CBFA2T2: variants seen among roughly 807,000 people sequenced by gnomAD.
The protein encoded by CBFA2T2 is CBFA2/RUNX1 partner transcriptional co-repressor 2.
Under a neutral mutation model 62.2 loss-of-function variants are expected in CBFA2T2, and 11 were observed. That is an observed-to-expected ratio of 0.18 (90% CI 0.11 to 0.29). CBFA2T2 has a LOEUF of 0.29. Ranked by LOEUF, CBFA2T2 falls within the 10% of genes least tolerant of loss-of-function variation. The pLI is 1.00. For synonymous variants in CBFA2T2, 295 were observed against 287.5 expected, an observed-to-expected ratio of 1.03 and a Z score of -0.27; for missense variants, 592 against 774.1, an observed-to-expected ratio of 0.76 and a Z score of 2.79.
At chr20:33,494,258 TATATATATA>T (rs2011173189) in intron 1 of CBFA2T2, among the ~76,000 whole-genome samples, 1 of 78,154 alleles carries the variant, frequency 1.3e-5, no homozygotes, top group African/African-American at 5.5e-5. Context: ...TATATATATA[TATATATATA>T]TATATATTTT....
chr20:33,594,143 T>C (rs917549209), intron 1 of CBFA2T2, among the ~76,000 whole-genome samples: 1 of 152,250 alleles, frequency 6.6e-6, no homozygotes, highest in African/African-American at 2.4e-5. Flanking sequence ...AGTGGCTAAA[T>C]TCTAGCAATA....
At chr20:33,569,379 A>G (rs527564782) in intron 1 of CBFA2T2, among the ~76,000 whole-genome samples, 3 of 152,378 alleles carry the variant, frequency 2.0e-5, no homozygotes, top group African/African-American at 7.2e-5. Flanking sequence ...TTTACTCATT[A>G]GAATAAATAC....
chr20:33,562,276 T>C, intron 1 of CBFA2T2: 1 of 501,290 alleles, frequency 2.0e-6, no homozygotes, highest in Non-Finnish European at 2.6e-6. Flanking sequence ...CAGGAGCCAC[T>C]GGGAGGTGTG....
rs376209916 is a variant in CBFA2T2 at position 33,611,218 on chromosome 20, T to C, written c.303T>C (p.Thr101=). 3 of 1,614,116 alleles carry C rather than the reference T, an allele frequency of 1.9e-6. No individual in the cohort carries two copies. Among genetic ancestry groups the C allele is most frequent in the Non-Finnish European group, 2.5e-6 (3 of 1,180,012 alleles). Residue 101 remains threonine, a synonymous_variant, in exon 3 of 11, where the codon ACT becomes ACC. Transcript: ENST00000342704. ...TCACAAATCAGCAATTGCCAGCCACTTGTGGTGCTCGACAACTCAGCAAGT... is the reference window on the plus strand; with the variant it reads ...TCACAAATCAGCAATTGCCAGCCACCTGTGGTGCTCGACAACTCAGCAAGT... ...SALTNQQLPA[T]CGARQLSKLK...
intron 3 of CBFA2T2, among the ~76,000 whole-genome samples, chr20:33,617,494 C>A (rs1438927363): frequency 6.6e-6 from 1 of 152,226 alleles, no homozygotes; most frequent in Non-Finnish European, 1.5e-5. Context: ...GAGTCCATTT[C>A]TCTGGCCTAA....
At chr20:33,516,963 C>T (rs1568795643) in intron 1 of CBFA2T2, among the ~76,000 whole-genome samples, 1 of 152,168 alleles carries the variant, frequency 6.6e-6, no homozygotes, top group Non-Finnish European at 1.5e-5. Context: ...TTGATTTGCT[C>T]AGTGTTAGTA....
Position 33,635,925 on chromosome 20 carries a change from A to C in CBFA2T2, c.1229-715A>C, listed in dbSNP as rs114597994. On this transcript the variant is annotated intron_variant, in intron 8 of 10. Coordinates refer to ENST00000342704, the MANE Select transcript of CBFA2T2 (RefSeq NM_001032999.3). ...TAAAAATGCTGCCTTTCCTCCCCCT[A>C]CATTTTTCCATAGGCTCAATGGTTA... is the stretch of plus-strand genomic sequence containing the variant. 5.3e-3 allele frequency among the ~76,000 whole-genome samples: 813 copies of C among 151,988 alleles called. 6 individuals carry two copies. The highest frequency in any genetic ancestry group is 0.019 in the African/African-American group (768 of 41,458).
chr20:33,644,515 G>A lies in CBFA2T2; in HGVS notation c.1657G>A (p.Val553Ile), dbSNP rs750856936. ...PHGQGRPLLP[V>I]GRGSSARSAD... ...CGGCCAGGGCCGGCCGCTGCTTCCT[G>A]TAGGCAGGGGCTCCTCTGCCAGGTC... Residue 553 changes from valine (V) to isoleucine (I), a missense_variant, in exon 11 of 11, where the codon GTA becomes ATA. By Grantham distance (29) the Val-to-Ile change is conservative. Around this residue, in one of 3 missense-constraint regions of CBFA2T2, gnomAD observed 85 missense variants for 99.0 expected, o/e 0.86. Transcript: ENST00000342704. 19 of 1,613,948 alleles carry A rather than the reference G, an allele frequency of 1.2e-5. No individual in the cohort carries two copies. The highest frequency in any genetic ancestry group is 3.3e-5 in the Admixed American group (2 of 60,014).
chr20:33,623,737 T>C (rs1393719362), intron 5 of CBFA2T2: 3 of 700,514 alleles, frequency 4.3e-6, no homozygotes, highest in Non-Finnish European at 7.9e-6. Context: ...TGTCTCAGAC[T>C]TTCTGTGGTT....
At chr20:33,524,070 T>G (rs2011812962) in intron 1 of CBFA2T2, among the ~76,000 whole-genome samples, 1 of 152,064 alleles carries the variant, frequency 6.6e-6, no homozygotes, top group African/African-American at 2.4e-5. Flanking sequence ...GGTTTTTTTG[T>G]CCCTCTTTTT....
chr20:33,569,600 C>A (rs1025628104), intron 1 of CBFA2T2, among the ~76,000 whole-genome samples: 2 of 152,146 alleles, frequency 1.3e-5, no homozygotes, highest in Non-Finnish European at 2.9e-5. Context: ...AAAGTCACTG[C>A]CCTGTCAGTG....
intron 1 of CBFA2T2, among the ~76,000 whole-genome samples, chr20:33,562,069 C>G (rs1227993038): frequency 6.6e-6 from 1 of 152,008 alleles, no homozygotes. Context: ...ATAGCAGAAA[C>G]CAGACAGTAT....
chr20:33,512,350 C>T (rs1029439230), intron 1 of CBFA2T2, among the ~76,000 whole-genome samples: 4 of 151,826 alleles, frequency 2.6e-5, no homozygotes, highest in African/African-American at 7.3e-5. Context: ...GACTCCCTCT[C>T]AACAAAAAAA....
intron 1 of CBFA2T2, among the ~76,000 whole-genome samples, chr20:33,535,823 G>T (rs1236543451): frequency 1.3e-5 from 2 of 151,984 alleles, no homozygotes. Context: ...GCGGCCTTCC[G>T]CAGTGTTTGT....
At chr20:33,503,141 C>T (rs1247909400) in intron 1 of CBFA2T2, among the ~76,000 whole-genome samples, 1 of 149,294 alleles carries the variant, frequency 6.7e-6, no homozygotes, top group Non-Finnish European at 1.5e-5. Context: ...TGTGCTCATT[C>T]CTATTGGAAT....
Position 33,491,156 on chromosome 20 carries a change from A to G in CBFA2T2, c.34+855A>G, listed in dbSNP as rs567028190. Among the ~76,000 whole-genome samples the G allele has an allele frequency of 2.8e-4, 42 of 152,236 alleles. No individual in the cohort carries two copies. In the South Asian group the frequency reaches 3.5e-3, roughly 13 times the overall value. On this transcript the variant is annotated intron_variant, in intron 1 of 10. Transcript: ENST00000342704. ...TCTGAATAAGAACAATAAAATTTTA[A>G]TTGTTTTTCATTATTGTAATTATAA...
intron 1 of CBFA2T2, among the ~76,000 whole-genome samples, chr20:33,531,154 A>G (rs1234122906): frequency 6.6e-6 from 1 of 152,206 alleles, no homozygotes; most frequent in African/African-American, 2.4e-5. Flanking sequence ...GCAAGGGTTT[A>G]AGGACTAAAT....
intron 3 of CBFA2T2, among the ~76,000 whole-genome samples, chr20:33,614,332 A>G (rs1407198312): frequency 2.0e-5 from 3 of 152,160 alleles, no homozygotes; most frequent in Non-Finnish European, 4.4e-5. Flanking sequence ...GCTGTTCACC[A>G]TGTGTCCCTG....
At chr20:33,551,679 G>A (rs573183690) in intron 1 of CBFA2T2, among the ~76,000 whole-genome samples, 26 of 151,848 alleles carry the variant, frequency 1.7e-4, no homozygotes, top group Admixed American at 5.3e-4. Context: ...TTACAGGCGT[G>A]TGTCACCACG....
Sources: allele counts gnomAD v4.1 joint callset (sites outside exome capture counted in the v4.1 genomes callset), GRCh38; gene constraint gnomAD v4.1.1; regional missense constraint gnomAD v4.1.1; transcripts MANE v1.5; gene names NCBI Gene and HGNC (gene_info 2026-07-23, HGNC 2026-07-21).